Variants in SLC25A21 observed in about 807,000 individuals in gnomAD.
SLC25A21 encodes mitochondrial 2-oxodicarboxylate carrier.
Under a neutral mutation model 43.8 loss-of-function variants are expected in SLC25A21, and 47 were observed. That is an observed-to-expected ratio of 1.07 (90% CI 0.85 to 1.37). The LOEUF (loss-of-function observed/expected upper bound fraction) is 1.37. Among genes scored for constraint, SLC25A21 ranks in the 40% most tolerant of loss-of-function variants. The probability of loss-of-function intolerance (pLI) is 0.00; values close to 1 mark genes in which losing one functional copy is unlikely to be tolerated. For missense variants in SLC25A21, 352 were observed against 350.2 expected (o/e 1.00, Z -0.04); for synonymous variants, 131 against 121.3 (o/e 1.08, Z -0.52).
At chr14:37,025,137 A>G (rs1371146122) in intron 1 of SLC25A21, among the ~76,000 whole-genome samples, 1 of 152,176 alleles carries the variant, frequency 6.6e-6, no homozygotes, top group Non-Finnish European at 1.5e-5. Context: ...TACCGTAGCC[A>G]GAATAAACAA....
intron 1 of SLC25A21, among the ~76,000 whole-genome samples, chr14:36,961,128 C>G (rs963617343): frequency 1.3e-5 from 2 of 152,242 alleles, no homozygotes; most frequent in Admixed American, 1.3e-4. Flanking sequence ...TAAAAAAGCC[C>G]ACCCCCAGAG....
intron 1 of SLC25A21, among the ~76,000 whole-genome samples, chr14:37,032,273 C>A (rs952788753): frequency 6.6e-6 from 1 of 152,078 alleles, no homozygotes. Flanking sequence ...CGGTGGCTCA[C>A]GCTTGTAATC....
intron 1 of SLC25A21, among the ~76,000 whole-genome samples, chr14:37,134,928 A>G (rs1281647171): frequency 7.7e-6 from 1 of 130,014 alleles, no homozygotes. Context: ...TCTCATCTCT[A>G]CTTTTTTTTT....
At chr14:36,965,067 C>A (rs1227760865) in intron 1 of SLC25A21, among the ~76,000 whole-genome samples, 1 of 152,114 alleles carries the variant, frequency 6.6e-6, no homozygotes, top group African/African-American at 2.4e-5. Context: ...TTTAAAGAAT[C>A]TGGACCCATT....
At chr14:36,811,916 A>C (rs1298357768) in intron 3 of SLC25A21, among the ~76,000 whole-genome samples, 1 of 152,184 alleles carries the variant, frequency 6.6e-6, no homozygotes, top group Non-Finnish European at 1.5e-5. Context: ...AGGATGGAAA[A>C]GATAGATAAT....
At chr14:36,798,908 GAGAGAGAGAC>G (rs1452323219) in intron 3 of SLC25A21, among the ~76,000 whole-genome samples, 1 of 152,004 alleles carries the variant, frequency 6.6e-6, no homozygotes, top group Non-Finnish European at 1.5e-5. Flanking sequence ...GAGAAAGAGA[GAGAGAGAGAC>G]AGAGAGAGAG....
intron 1 of SLC25A21, among the ~76,000 whole-genome samples, chr14:37,068,903 G>A (rs1167315392): frequency 1.3e-5 from 2 of 152,112 alleles, no homozygotes; most frequent in Admixed American, 6.5e-5. Context: ...GGCCAGGCGC[G>A]GTGGCTCACG....
chr14:37,089,808 T>C (rs1444810781), intron 1 of SLC25A21, among the ~76,000 whole-genome samples: 2 of 152,256 alleles, frequency 1.3e-5, no homozygotes, highest in East Asian at 1.9e-4. Context: ...GATATTTTTA[T>C]GCAAATGGAT....
At chr14:37,070,944 G>C (rs56395950) in intron 1 of SLC25A21, among the ~76,000 whole-genome samples, 2 of 152,070 alleles carry the variant, frequency 1.3e-5, no homozygotes, top group East Asian at 1.9e-4. Flanking sequence ...CAGTTTCCCC[G>C]GGGGAAGGAC....
At chr14:36,862,069 C>T (rs1279022688) in intron 2 of SLC25A21, among the ~76,000 whole-genome samples, 2 of 152,232 alleles carry the variant, frequency 1.3e-5, no homozygotes, top group African/African-American at 4.8e-5. Flanking sequence ...GATACCATCT[C>T]ATGCCAGTTA....
At chr14:36,963,024 T>C (rs1163139235) in intron 1 of SLC25A21, among the ~76,000 whole-genome samples, 1 of 152,224 alleles carries the variant, frequency 6.6e-6, no homozygotes, top group Admixed American at 6.5e-5. Flanking sequence ...GGCAGAAAAG[T>C]TATTGTGAGG....
chr14:37,014,626 C>A (rs1295946191), intron 1 of SLC25A21, among the ~76,000 whole-genome samples: 1 of 152,166 alleles, frequency 6.6e-6, no homozygotes, highest in Non-Finnish European at 1.5e-5. Context: ...TCCCATGAAT[C>A]ATAAATGCTC....
intron 1 of SLC25A21, among the ~76,000 whole-genome samples, chr14:36,905,650 C>G (rs1891515328): frequency 6.6e-6 from 1 of 151,768 alleles, no homozygotes; most frequent in Non-Finnish European, 1.5e-5. Context: ...AAATTGGCCT[C>G]CTAGTTTGTT....
intron 1 of SLC25A21, among the ~76,000 whole-genome samples, chr14:37,003,519 A>G (rs73256270): frequency 0.12 from 18,706 of 152,174 alleles, 3,838 homozygotes; most frequent in African/African-American, 0.43. Context: ...AAAAACTGAA[A>G]CTACCCAAAT....
chr14:36,717,037 A>C (rs377224989), intron 6 of SLC25A21, among the ~76,000 whole-genome samples: 5 of 152,218 alleles, frequency 3.3e-5, no homozygotes, highest in African/African-American at 1.2e-4. Context: ...GTGAGTGTCC[A>C]TATCTGGGCC....
intron 1 of SLC25A21, among the ~76,000 whole-genome samples, chr14:36,945,211 C>G (rs1320155038): frequency 1.3e-5 from 2 of 152,184 alleles, no homozygotes; most frequent in African/African-American, 4.8e-5. Flanking sequence ...GTTATCTTCA[C>G]TTAATGAAGA....
intron 1 of SLC25A21, among the ~76,000 whole-genome samples, chr14:37,118,553 C>T (rs1428313589): frequency 6.6e-6 from 1 of 152,164 alleles, no homozygotes; most frequent in Non-Finnish European, 1.5e-5. Context: ...TTTATCTGGG[C>T]AGTGGGTAAG....
At chr14:36,778,430 G>C (rs571618655) in intron 3 of SLC25A21, among the ~76,000 whole-genome samples, 4 of 152,314 alleles carry the variant, frequency 2.6e-5, no homozygotes, top group Non-Finnish European at 5.9e-5. Context: ...CAACTACTCA[G>C]TGCATATTCA....
At chr14:36,739,670 CT>C (rs1885173486) in intron 3 of SLC25A21, among the ~76,000 whole-genome samples, 2 of 131,886 alleles carry the variant, frequency 1.5e-5, no homozygotes, top group African/African-American at 6.1e-5. Context: ...GAGCAAGACT[CT>C]GTCTAAAAAA....
Sources: allele counts gnomAD v4.1 joint callset (sites outside exome capture counted in the v4.1 genomes callset), GRCh38; gene constraint gnomAD v4.1.1; transcripts MANE v1.5; gene names NCBI Gene and HGNC (gene_info 2026-07-23, HGNC 2026-07-21).